Variants in FMN2 observed in about 807,000 individuals in gnomAD.
FMN2 encodes the protein formin 2, also known as formin-2.
Under a neutral mutation model 142.3 loss-of-function variants are expected in FMN2, and 51 were observed. The ratio of observed to expected loss-of-function variants is 0.36; its 90% CI spans 0.29 to 0.45. FMN2 has a LOEUF of 0.45. Among genes scored for constraint, FMN2 ranks in the 20% least tolerant of loss-of-function variants. FMN2 has a pLI of 1.00. For missense variants in FMN2, 1,936 were observed against 2,122.8 expected (o/e 0.91, Z 1.73); for synonymous variants, 882 against 869.8 (o/e 1.01, Z -0.25).
intron 8 of FMN2, among the ~76,000 whole-genome samples, chr1:240,323,181 T>C (rs895744734): frequency 1.3e-5 from 2 of 151,162 alleles, no homozygotes; most frequent in African/African-American, 4.9e-5. Flanking sequence ...CTCTCTCTTT[T>C]CTTTTCTTTC....
chr1:240,455,247 G>A (rs1298712822), intron 16 of FMN2, among the ~76,000 whole-genome samples: 1 of 146,790 alleles, frequency 6.8e-6, no homozygotes, highest in Non-Finnish European at 1.5e-5. Context: ...TATTAAAAGC[G>A]AGTTTCGGCC....
At chr1:240,354,896 A>T (rs1235630740) in intron 13 of FMN2, among the ~76,000 whole-genome samples, 1 of 151,958 alleles carries the variant, frequency 6.6e-6, no homozygotes, top group Non-Finnish European at 1.5e-5. Context: ...GTTCTATCCA[A>T]AGTTTTGTGT....
intron 2 of FMN2, among the ~76,000 whole-genome samples, chr1:240,141,731 A>G (rs1237695612): frequency 1.3e-5 from 2 of 152,146 alleles, no homozygotes; most frequent in South Asian, 2.1e-4. Context: ...AGTGTCTCCT[A>G]TGTTTGCATT....
intron 7 of FMN2, among the ~76,000 whole-genome samples, chr1:240,284,501 A>G (rs190142473): frequency 5.3e-5 from 8 of 152,284 alleles, no homozygotes; most frequent in Admixed American, 5.2e-4. Flanking sequence ...GATAGCTTCT[A>G]TAAAAGCACT....
intron 15 of FMN2, among the ~76,000 whole-genome samples, chr1:240,429,266 C>T (rs1055546803): frequency 6.6e-6 from 1 of 152,242 alleles, no homozygotes; most frequent in Non-Finnish European, 1.5e-5. Context: ...GTAGACATGT[C>T]GTCTTCCTGG....
chr1:240,355,499 C>T (rs780290012), intron 13 of FMN2, among the ~76,000 whole-genome samples: 2 of 152,162 alleles, frequency 1.3e-5, no homozygotes, highest in Non-Finnish European at 2.9e-5. Context: ...CACAGTGAGG[C>T]AGGCTCTGCT....
chr1:240,212,522 A>G (rs1282380738), intron 6 of FMN2, among the ~76,000 whole-genome samples: 1 of 152,176 alleles, frequency 6.6e-6, no homozygotes. Context: ...TATTAAATTA[A>G]TCAGCTGACT....
intron 8 of FMN2, among the ~76,000 whole-genome samples, chr1:240,322,880 T>A (rs1558432505): frequency 6.6e-6 from 1 of 152,034 alleles, no homozygotes; most frequent in Non-Finnish European, 1.5e-5. Flanking sequence ...ATTTAGGAGG[T>A]TAATTTTTTT....
At chr1:240,421,969 G>A (rs1674781368) in intron 15 of FMN2, among the ~76,000 whole-genome samples, 1 of 152,152 alleles carries the variant, frequency 6.6e-6, no homozygotes, top group South Asian at 2.1e-4. Flanking sequence ...TGGCTCCTGA[G>A]CACCAGCTTC....
intron 7 of FMN2, among the ~76,000 whole-genome samples, chr1:240,259,198 G>GT (rs1412879620): frequency 6.6e-6 from 1 of 152,196 alleles, no homozygotes; most frequent in Non-Finnish European, 1.5e-5. Context: ...ATGTAGCCCA[G>GT]TTAAGTCATA....
chr1:240,329,518 TC>T (rs1323987341), intron 10 of FMN2, 50 bp downstream of exon 10: 4 of 1,577,370 alleles, frequency 2.5e-6, no homozygotes, highest in Admixed American at 1.9e-5. Context: ...TTAATTGTGC[TC>T]AGCCATGTTC....
intron 11 of FMN2, among the ~76,000 whole-genome samples, chr1:240,333,220 T>A (rs967878980): frequency 6.6e-6 from 1 of 152,144 alleles, no homozygotes; most frequent in Admixed American, 6.5e-5. Flanking sequence ...TGAAAAGGTA[T>A]TTTTGAAGTG....
At chr1:240,463,638 A>T (rs999515285) in intron 16 of FMN2, among the ~76,000 whole-genome samples, 6 of 152,212 alleles carry the variant, frequency 3.9e-5, no homozygotes, top group Admixed American at 6.5e-5. Context: ...GATTAAGGAA[A>T]CATGTCCAGA....
intron 14 of FMN2, among the ~76,000 whole-genome samples, chr1:240,361,362 T>G (rs1385499287): frequency 6.6e-6 from 1 of 151,760 alleles, no homozygotes; most frequent in African/African-American, 2.4e-5. Flanking sequence ...AGCAACAGTT[T>G]CCCAGTGATC....
chr1:240,140,218 AAAAC>A (rs141222272), intron 2 of FMN2, among the ~76,000 whole-genome samples: 14 of 152,288 alleles, frequency 9.2e-5, no homozygotes, highest in South Asian at 8.3e-4. Flanking sequence ...GGTGCTTTAA[AAAAC>A]AAACAAACTG....
intron 2 of FMN2, among the ~76,000 whole-genome samples, chr1:240,140,006 G>A (rs990384712): frequency 6.6e-6 from 1 of 152,146 alleles, no homozygotes; most frequent in Admixed American, 6.5e-5. Context: ...GTATTATTGG[G>A]TAGATAAATT....
intron 1 of FMN2, among the ~76,000 whole-genome samples, chr1:240,098,116 TTTG>T (rs1661283224): frequency 2.1e-5 from 3 of 143,572 alleles, no homozygotes; most frequent in Admixed American, 6.8e-5. Context: ...TTTTTTTTTT[TTTG>T]GAGACAGATT....
chr1:240,142,524 T>G (rs1177519638), intron 2 of FMN2: 3 of 528,528 alleles, frequency 5.7e-6, no homozygotes, highest in Non-Finnish European at 6.2e-6. Flanking sequence ...ATAAAGGTCT[T>G]TATTGAACAA....
At chr1:240,319,741 G>A (rs1292101426) in intron 8 of FMN2, among the ~76,000 whole-genome samples, 3 of 152,116 alleles carry the variant, frequency 2.0e-5, no homozygotes, top group African/African-American at 4.8e-5. Context: ...TAATGTATAA[G>A]TGTGGAGCCA....
Sources: gnomAD v4.1 joint callset for allele counts (sites outside exome capture counted in the v4.1 genomes callset) on GRCh38, gnomAD v4.1.1 for gene constraint, MANE v1.5 for transcripts, NCBI Gene and HGNC (gene_info 2026-07-23, HGNC 2026-07-21) for gene names.